The following COL14A1 variants were observed in gnomAD, a reference collection of about 807,000 sequenced individuals.
The protein encoded by COL14A1 is collagen type XIV alpha 1 chain, also known as collagen alpha-1(XIV) chain.
A neutral mutation model predicts 230.3 loss-of-function variants in COL14A1; 136 were observed. The observed-to-expected ratio is 0.59, with a 90% CI of 0.51 to 0.68. The LOEUF (loss-of-function observed/expected upper bound fraction) is 0.68. Among genes scored for constraint, COL14A1 ranks in the 30% least tolerant of loss-of-function variants. The pLI is 0.00. For synonymous variants in COL14A1, 792 were observed against 784.1 expected, an observed-to-expected ratio of 1.01 and a Z score of -0.17; for missense variants, 1,976 against 2,215.8, an observed-to-expected ratio of 0.89 and a Z score of 2.17.
chr8:120,231,533 G>A lies in COL14A1; in HGVS notation c.2264G>A (p.Trp755Ter), dbSNP rs1298837951. The change falls in exon 19 of 48, where the codon TGG becomes TAG. Residue 755 changes from tryptophan to a stop codon, truncating the protein, a stop_gained. Transcript: ENST00000297848. LOFTEE classifies it high-confidence loss of function. ...DETTSSLRVK[W>*]DISDSDVQQF... ...ACTACTTCTAGCCTGCGGGTAAAAT[G>A]GGACATTTCTGACAGCGATGTGCAG... The A allele has an allele frequency of 1.2e-6, 2 of 1,613,936 alleles. No individual in the cohort carries two copies. Among genetic ancestry groups the A allele is most frequent in the East Asian group, 2.2e-5 (1 of 44,878 alleles).
intron 5 of COL14A1, among the ~76,000 whole-genome samples, chr8:120,171,055 CT>C (rs1362848977): frequency 1.3e-5 from 2 of 151,884 alleles, no homozygotes; most frequent in African/African-American, 2.4e-5. Flanking sequence ...TTTTTCTTAT[CT>C]TTTTTCCCCC....
In COL14A1 at chr8:120,130,886, G is replaced by A. The variant is rs148596085; in HGVS notation, c.-38+5546G>A. On this transcript the variant is annotated intron_variant, in intron 1 of 47. Coordinates refer to ENST00000297848, the MANE Select transcript of COL14A1 (RefSeq NM_021110.4). ...TCACCCCCTTTTTTTTCCTTCCCTC[G>A]CTATTAGTCCCCACTGTCTGTTTTC... Among the ~76,000 whole-genome samples the A allele has an allele frequency of 7.0e-3, 1,056 of 151,772 alleles. 11 individuals are homozygous for A. Among genetic ancestry groups the A allele is most frequent in the Non-Finnish European group, 0.013 (859 of 67,904 alleles).
At chr8:120,323,690 T>A (rs1199235930) in intron 40 of COL14A1, among the ~76,000 whole-genome samples, 1 of 151,938 alleles carries the variant, frequency 6.6e-6, no homozygotes, top group Non-Finnish European at 1.5e-5. Flanking sequence ...TCCCCATTGC[T>A]TTTTTTTGTC....
intron 19 of COL14A1, among the ~76,000 whole-genome samples, chr8:120,236,821 A>G (rs2130832839): frequency 6.6e-6 from 1 of 152,198 alleles, no homozygotes; most frequent in South Asian, 2.1e-4. Flanking sequence ...TGGGGGTGAA[A>G]AAATCCCTCA....
intron 1 of COL14A1, among the ~76,000 whole-genome samples, chr8:120,134,174 C>T (rs895659278): frequency 4.2e-4 from 64 of 152,018 alleles, no homozygotes; most frequent in African/African-American, 1.5e-3. Context: ...GTCGATCTAC[C>T]TAAATTGGTC....
chr8:120,246,100 G>C (rs1818753088), intron 20 of COL14A1, among the ~76,000 whole-genome samples: 1 of 152,200 alleles, frequency 6.6e-6, no homozygotes, highest in African/African-American at 2.4e-5. Flanking sequence ...GCACCGAAGT[G>C]TGGAGTTTTC....
intron 33 of COL14A1, among the ~76,000 whole-genome samples, chr8:120,288,774 T>C (rs1009885479): frequency 7.2e-5 from 11 of 152,174 alleles, no homozygotes; most frequent in African/African-American, 2.7e-4. Flanking sequence ...TTACTTAGGG[T>C]GAAATCATTA....
intron 42 of COL14A1, among the ~76,000 whole-genome samples, chr8:120,334,157 T>C (rs930912773): frequency 3.3e-5 from 5 of 152,212 alleles, no homozygotes; most frequent in African/African-American, 1.2e-4. Context: ...GATAGTCTTG[T>C]TCCTCTTATT....
Position 120,125,207 on chromosome 8 carries a change from G to A in COL14A1, c.-171G>A, listed in dbSNP as rs1814285019. ...GGAGAGGGAGAGAGAAAGAGAGAGA[G>A]GCTAATTAAAAAAGGATACTCCGAG... On this transcript the variant is annotated 5_prime_UTR_variant, in exon 1 of 48. Transcript: ENST00000297848. 6.6e-6 allele frequency: 1 copy of A among 152,470 alleles called. No individual in the cohort carries two copies. The highest frequency in any genetic ancestry group is 2.1e-4 in the South Asian group (1 of 4,838). The allele number at this position is 152,470 out of a possible 1,614,324, so 9.4% of individuals were successfully genotyped here.
intron 2 of COL14A1, among the ~76,000 whole-genome samples, chr8:120,152,476 A>C (rs75750743): frequency 2.7e-5 from 4 of 150,880 alleles, no homozygotes; most frequent in East Asian, 1.9e-4. Flanking sequence ...TCTCAAAAAA[A>C]AAAAAAAAAA....
intron 5 of COL14A1, among the ~76,000 whole-genome samples, chr8:120,181,674 C>T (rs1170780035): frequency 6.6e-6 from 1 of 152,186 alleles, no homozygotes; most frequent in Non-Finnish European, 1.5e-5. Context: ...AAACATTGAT[C>T]TAATGCAACA....
intron 5 of COL14A1, among the ~76,000 whole-genome samples, chr8:120,179,219 T>C (rs1260923511): frequency 6.6e-6 from 1 of 152,118 alleles, no homozygotes; most frequent in Admixed American, 6.6e-5. Flanking sequence ...AAATAAAGGG[T>C]ATTCAACTAG....
At chr8:120,263,739 G>T (rs141734402) in intron 24 of COL14A1, among the ~76,000 whole-genome samples, 7 of 152,198 alleles carry the variant, frequency 4.6e-5, no homozygotes, top group African/African-American at 1.7e-4. Context: ...TGGGCAATGG[G>T]CTTTCTTGGT....
rs1157060099 is a variant in COL14A1, at chr8:120,350,564, A to C, written c.5077+5001A>C. On this transcript the variant is annotated intron_variant, in intron 45 of 47. Coordinates refer to ENST00000297848, the MANE Select transcript of COL14A1 (RefSeq NM_021110.4). ...AAGATCTACCAAGCCAATGGAAAAC[A>C]AAAAAAGGCAGGGGTTGCAATCCTA... Among the ~76,000 whole-genome samples, 20 of 151,184 alleles carry C rather than the reference A, an allele frequency of 1.3e-4. No individual in the cohort carries two copies. In the East Asian group the frequency reaches 3.7e-3, roughly 28 times the overall value.
chr8:120,191,003 A>G (rs1452042520), intron 5 of COL14A1, among the ~76,000 whole-genome samples: 21 of 146,528 alleles, frequency 1.4e-4, no homozygotes, highest in African/African-American at 4.6e-4. Flanking sequence ...CAGCTCCTGG[A>G]TTCATTAATT....
intron 45 of COL14A1, among the ~76,000 whole-genome samples, chr8:120,362,387 C>A (rs1168261501): frequency 6.6e-6 from 1 of 152,312 alleles, no homozygotes; most frequent in South Asian, 2.1e-4. Context: ...CTCTCAGGCA[C>A]ATTTTTGGTT....
At chr8:120,126,699 A>G (rs914414616) in intron 1 of COL14A1, among the ~76,000 whole-genome samples, 2 of 152,236 alleles carry the variant, frequency 1.3e-5, no homozygotes, top group African/African-American at 4.8e-5. Flanking sequence ...CCCAGCAAAC[A>G]GGCTTTAAGC....
chr8:120,208,445 A>C, intron 11 of COL14A1, 84 bp downstream of exon 11: 1 of 1,412,302 alleles, frequency 7.1e-7, no homozygotes, highest in East Asian at 2.3e-5. Context: ...TGCTCAGGTC[A>C]TGTTGATAGA....
intron 1 of COL14A1, among the ~76,000 whole-genome samples, chr8:120,145,975 G>A (rs1044848893): frequency 2.6e-5 from 4 of 152,170 alleles, no homozygotes; most frequent in African/African-American, 9.7e-5. Context: ...AAAGTGGAAA[G>A]AAAGTGATGT....
Sources: gnomAD v4.1 joint callset for allele counts (sites outside exome capture counted in the v4.1 genomes callset) on GRCh38, gnomAD v4.1.1 for gene constraint, MANE v1.5 for transcripts, NCBI Gene and HGNC (gene_info 2026-07-23, HGNC 2026-07-21) for gene names.